CPSF2: variants seen among roughly 807,000 people sequenced by gnomAD.
CPSF2 encodes the protein cleavage and polyadenylation specific factor 2.
Under a neutral mutation model 84.2 loss-of-function variants are expected in CPSF2, and 51 were observed. The observed-to-expected ratio is 0.61, with a 90% CI of 0.48 to 0.77. The LOEUF (loss-of-function observed/expected upper bound fraction) is 0.77, where lower values mean the gene tolerates loss of function less well. Ranked by LOEUF, CPSF2 falls within the 30% of genes least tolerant of loss-of-function variation. The pLI is 0.00. For synonymous variants in CPSF2, 286 were observed against 311.9 expected (o/e 0.92, Z 0.87); for missense variants, 641 against 929.4 (o/e 0.69, Z 4.03).
At chr14:92,155,386 C>A in intron 11 of CPSF2, 63 bp downstream of exon 11, 2 of 1,322,552 alleles carry the variant, frequency 1.5e-6, no homozygotes, top group Non-Finnish European at 2.2e-6. Context: ...GTTATCATTT[C>A]ATTTCAGTGA....
In CPSF2 at chr14:92,162,339, A is replaced by G. The variant is rs117596920; in HGVS notation, c.*595A>G. 2.4e-3 allele frequency: 364 copies of G among 152,716 alleles called. 1 individual carries two copies. The highest frequency in any genetic ancestry group is 0.014 in the Middle Eastern group (4 of 294). The allele number at this position is 152,716 out of a possible 1,614,324, so 9.5% of individuals were successfully genotyped here. A position where few individuals can be genotyped will look rare whatever the true frequency, so the allele number is the denominator to read the frequency against. On this transcript the variant is annotated 3_prime_UTR_variant, in exon 16 of 16. Transcript: ENST00000298875. ...AAGGTAGTACACATTTGGTTCAGAAATTAATTTTTATTTCTCCTATATCTT... is the reference window on the plus strand; with the variant it reads ...AAGGTAGTACACATTTGGTTCAGAAGTTAATTTTTATTTCTCCTATATCTT...
chr14:92,156,146 C>T (rs774410967), intron 11 of CPSF2, among the ~76,000 whole-genome samples: 3 of 152,030 alleles, frequency 2.0e-5, no homozygotes, highest in African/African-American at 4.8e-5. Flanking sequence ...AAAAATTAGC[C>T]GGGCGTGATG....
rs764900451 is a variant in CPSF2 at position 92,159,220 on chromosome 14, G to A, written c.2059G>A (p.Glu687Lys). The A allele has an allele frequency of 1.9e-6, 3 of 1,613,336 alleles. No homozygotes were observed. Among genetic ancestry groups the A allele is most frequent in the Admixed American group, 1.7e-5 (1 of 59,866 alleles). ...KAMKSLFGDD[E>K]KETGEESEII... ...CATGAAAAGTCTGTTCGGAGATGAT[G>A]AAAAAGAAACAGGTGAAGAAAGTGA... Residue 687 changes from glutamate to lysine, a missense_variant, in exon 14 of 16, where the codon GAA becomes AAA. Physicochemically the swap from Glu to Lys is moderately conservative, Grantham distance 56 (BLOSUM62 1). Transcript: ENST00000298875.
chr14:92,136,793 G>A (rs369583507), intron 6 of CPSF2, among the ~76,000 whole-genome samples: 3 of 152,106 alleles, frequency 2.0e-5, no homozygotes, highest in Admixed American at 1.3e-4. Context: ...TGAGTAAATG[G>A]TATTGAAGGA....
Position 92,163,574 on chromosome 14 carries a change from G to A in CPSF2, c.*1830G>A, listed in dbSNP as rs2141487718. ...TGTAATACTGATACAGTTTGGCTGT[G>A]TCCCCACCAAATTGAATTGTGTTAA... On this transcript the variant is annotated 3_prime_UTR_variant, in exon 16 of 16. Coordinates refer to ENST00000298875, the MANE Select transcript of CPSF2 (RefSeq NM_017437.3). The A allele has an allele frequency of 6.6e-6, 1 of 152,666 alleles. No individual in the cohort carries two copies. The highest frequency in any genetic ancestry group is 1.9e-4 in the East Asian group (1 of 5,182). The allele number at this position is 152,666 out of a possible 1,614,324, so 9.5% of individuals were successfully genotyped here.
intron 2 of CPSF2, among the ~76,000 whole-genome samples, chr14:92,128,931 A>C (rs1428585738): frequency 6.6e-6 from 1 of 152,182 alleles, no homozygotes; most frequent in African/African-American, 2.4e-5. Context: ...GAAGTTACTG[A>C]GAGGAACAAC....
chr14:92,145,199 C>A (rs767058235), intron 9 of CPSF2, among the ~76,000 whole-genome samples: 6 of 152,184 alleles, frequency 3.9e-5, no homozygotes, highest in Non-Finnish European at 7.3e-5. Context: ...AAAGCAGTAT[C>A]ATAAAGCTGC....
At chr14:92,123,478 A>ATCTCAGCTCATT (rs1308377261) in intron 1 of CPSF2, among the ~76,000 whole-genome samples, 1 of 151,876 alleles carries the variant, frequency 6.6e-6, no homozygotes, top group African/African-American at 2.4e-5. Context: ...AGCTCACTGC[A>ATCTCAGCTCATT]ACTTCCGCCT....
Position 92,147,947 on chromosome 14 carries a change from A to G in CPSF2, c.1140+4653A>G, listed in dbSNP as rs2069164225. ...GCTGTGTTGCCCAAGCTGGTCTTGA[A>G]CTACTGGCCTCAAACAATTCTCCCA... On this transcript the variant is annotated intron_variant, in intron 9 of 15. Coordinates refer to ENST00000298875, the MANE Select transcript of CPSF2 (RefSeq NM_017437.3). Among the ~76,000 whole-genome samples the G allele has an allele frequency of 2.0e-5, 3 of 152,228 alleles. No individual in the cohort carries two copies. The South Asian group carries it at 6.2e-4, about 31-fold the overall frequency.
chr14:92,156,522 G>GA lies in CPSF2; in HGVS notation c.1492dup (p.Ser498LysfsTer12), dbSNP rs775050236. Reference sequence around the variant, plus strand: ...GCCAGAGCTTCAAGCTACTGAAGAAGAAAAAAGCAAATTAGAATCTGGTTT... The same window carrying GA: ...GCCAGAGCTTCAAGCTACTGAAGAAGAAAAAAAGCAAATTAGAATCTGGTTT... On this transcript the variant is annotated frameshift_variant, in exon 12 of 16. Coordinates refer to ENST00000298875, the MANE Select transcript of CPSF2 (RefSeq NM_017437.3). LOFTEE classifies it high-confidence loss of function. 5 of 1,612,928 alleles carry GA rather than the reference G, an allele frequency of 3.1e-6. No homozygotes were observed. The highest frequency in any genetic ancestry group is 4.2e-6 in the Non-Finnish European group (5 of 1,179,598).
In CPSF2 at chr14:92,135,461, T is replaced by C. The variant is rs759355034; in HGVS notation, c.510T>C (p.Ile170=). ...WKIVKDGEEE[I]VYAVDFNHKR... The stretch of plus-strand genomic sequence containing the variant: ...TAGTCAAAGATGGAGAAGAAGAAAT[T>C]GTTTATGCAGTTGACTTCAACCACA... The change falls in exon 6 of 16, where the codon ATT becomes ATC. Residue 170 remains isoleucine, a synonymous_variant. Transcript: ENST00000298875. The C allele has an allele frequency of 6.2e-7, 1 of 1,613,536 alleles. No homozygotes were observed. The highest frequency in any genetic ancestry group is 1.1e-5 in the South Asian group (1 of 91,024).
Position 92,143,358 on chromosome 14 carries a change from A to G in CPSF2, c.1140+64A>G, listed in dbSNP as rs142331011. On this transcript the variant is annotated intron_variant, in intron 9 of 15. Transcript: ENST00000298875. ...GGGGGATACATTGTGCATGATGTAAAAAAATAGTGACCAAAAATAAAACTT... is the reference window on the plus strand; with the variant it reads ...GGGGGATACATTGTGCATGATGTAAGAAAATAGTGACCAAAAATAAAACTT... The G allele has an allele frequency of 1.4e-4, 146 of 1,078,988 alleles. No individual in the cohort carries two copies. In the African/African-American group the frequency reaches 2.2e-3, roughly 16 times the overall value. The allele number at this position is 1,078,988 out of a possible 1,614,324, so 66.8% of individuals were successfully genotyped here.
chr14:92,144,103 C>T (rs2069114940), intron 9 of CPSF2, among the ~76,000 whole-genome samples: 2 of 152,098 alleles, frequency 1.3e-5, no homozygotes, highest in South Asian at 4.1e-4. Flanking sequence ...CAGTTTTTGC[C>T]TTCAGACCTG....
rs911549790 is a variant in CPSF2, at chr14:92,171,563, A to G, written c.*9819A>G. On this transcript the variant is annotated 3_prime_UTR_variant, in exon 16 of 16. Coordinates refer to ENST00000298875, the MANE Select transcript of CPSF2 (RefSeq NM_017437.3). ...TTTTCCCTACCCCGCTCCTGACATCAGCCATTTCTCCAAAGAGTCCTGGTT... is the reference window on the plus strand; with the variant it reads ...TTTTCCCTACCCCGCTCCTGACATCGGCCATTTCTCCAAAGAGTCCTGGTT... 6.6e-6 allele frequency: 1 copy of G among 152,172 alleles called. No homozygotes were observed. Among genetic ancestry groups the G allele is most frequent in the Non-Finnish European group, 1.5e-5 (1 of 68,050 alleles). 9.4% of individuals were successfully genotyped at this position (152,172 alleles called of 1,614,324 possible). A position where few individuals can be genotyped will look rare whatever the true frequency, so the allele number is the denominator to read the frequency against.
At chr14:92,141,476 G>A (rs963514411) in intron 7 of CPSF2, among the ~76,000 whole-genome samples, 1 of 152,082 alleles carries the variant, frequency 6.6e-6, no homozygotes, top group African/African-American at 2.4e-5. Flanking sequence ...CCACAGGCAT[G>A]TGCCACCATG....
chr14:92,159,572 C>T (rs2069341524), intron 14 of CPSF2, among the ~76,000 whole-genome samples: 1 of 152,090 alleles, frequency 6.6e-6, no homozygotes, highest in African/African-American at 2.4e-5. Flanking sequence ...CACCTGTAAT[C>T]TCAGCTTAGA....
Position 92,164,604 on chromosome 14 carries a change from A to G in CPSF2, c.*2860A>G, listed in dbSNP as rs2141489054. On this transcript the variant is annotated 3_prime_UTR_variant, in exon 16 of 16. Transcript: ENST00000298875. Reference sequence around the variant, plus strand: ...ACGTGGACTATCAACTGATATCTGCAAATAATTTGGTTAAAATGAAATTTG... The same window carrying G: ...ACGTGGACTATCAACTGATATCTGCGAATAATTTGGTTAAAATGAAATTTG... 2 of 152,346 alleles carry G rather than the reference A, an allele frequency of 1.3e-5. No homozygotes were observed. The highest frequency in any genetic ancestry group is 4.1e-4 in the South Asian group (2 of 4,830). The allele number at this position is 152,346 out of a possible 1,614,324, so 9.4% of individuals were successfully genotyped here. A position where few individuals can be genotyped will look rare whatever the true frequency, so the allele number is the denominator to read the frequency against.
At position 92,154,344 on chromosome 14, in the gene CPSF2, T is replaced by C; in HGVS notation, c.1141-14T>C. 1 of 1,580,464 alleles carries C rather than the reference T, an allele frequency of 6.3e-7. No homozygotes were observed. Among genetic ancestry groups the C allele is most frequent in the Non-Finnish European group, 8.6e-7 (1 of 1,164,014 alleles). ...ACATATTAACATTTCCTTTTGTCTT[T>C]TATTTTTTTTTAGTTGAGGAAACGT... On this transcript the variant is annotated splice_polypyrimidine_tract_variant and intron_variant, in intron 9 of 15. Coordinates refer to ENST00000298875, the MANE Select transcript of CPSF2 (RefSeq NM_017437.3).
In CPSF2 at chr14:92,166,309, TATC is replaced by T. The variant is rs2069446785; in HGVS notation, c.*4568_*4570del. On this transcript the variant is annotated 3_prime_UTR_variant, in exon 16 of 16. Coordinates refer to ENST00000298875, the MANE Select transcript of CPSF2 (RefSeq NM_017437.3). Reference sequence around the variant, plus strand: ...CTAACAGTTTTACAGTTTAGGCTCTTATCATTAGGTCTTTCATTTATTTTGAAT... The same window carrying T: ...CTAACAGTTTTACAGTTTAGGCTCTTATTAGGTCTTTCATTTATTTTGAAT... 1.3e-5 allele frequency: 2 copies of T among 152,138 alleles called. No individual in the cohort carries two copies. The highest frequency in any genetic ancestry group is 1.3e-4 in the Admixed American group (2 of 15,254). 9.4% of individuals were successfully genotyped at this position (152,138 alleles called of 1,614,324 possible).
Sources: gnomAD v4.1 joint callset for allele counts (sites outside exome capture counted in the v4.1 genomes callset) on GRCh38, gnomAD v4.1.1 for gene constraint, MANE v1.5 for transcripts, NCBI Gene and HGNC (gene_info 2026-07-23, HGNC 2026-07-21) for gene names.